PPARGC1A: variants seen among roughly 807,000 people sequenced by gnomAD.
PPARGC1A encodes the protein PPARG coactivator 1 alpha.
A neutral mutation model predicts 88.7 loss-of-function variants in PPARGC1A; 25 were observed. The ratio of observed to expected loss-of-function variants is 0.28; its 90% CI spans 0.21 to 0.39. The LOEUF (loss-of-function observed/expected upper bound fraction) is 0.39, where lower values mean the gene tolerates loss of function less well. PPARGC1A is among the 10% of genes least tolerant of loss of function. The probability of loss-of-function intolerance (pLI) is 1.00; values close to 1 mark genes in which losing one functional copy is unlikely to be tolerated. For synonymous variants in PPARGC1A, 363 were observed against 355.6 expected (o/e 1.02, Z -0.24); for missense variants, 880 against 968.7 (o/e 0.91, Z 1.22).
chr4:23,999,643 C>G, the PPARGC1A span, among the ~76,000 whole-genome samples: 2 of 152,170 alleles, frequency 1.3e-5, no homozygotes, highest in Admixed American at 1.3e-4. Context: ...TGTCACTTGT[C>G]ATTGGCAGGT....
the PPARGC1A span, among the ~76,000 whole-genome samples, chr4:24,015,887 A>G: frequency 6.6e-6 from 1 of 152,188 alleles, no homozygotes; most frequent in Non-Finnish European, 1.5e-5. Flanking sequence ...CTTGAAGAGA[A>G]CATACCTGCT....
At chr4:24,070,394 G>T in the PPARGC1A span, among the ~76,000 whole-genome samples, 1 of 152,130 alleles carries the variant, frequency 6.6e-6, no homozygotes, top group Non-Finnish European at 1.5e-5. Context: ...TCTGGCTGCT[G>T]GTTTATACGA....
At chr4:24,112,909 G>A in the PPARGC1A span, among the ~76,000 whole-genome samples, 1 of 152,180 alleles carries the variant, frequency 6.6e-6, no homozygotes, top group African/African-American at 2.4e-5. Flanking sequence ...TGGGAAGCCG[G>A]GCCAAGAGAA....
At chr4:23,906,498 A>G (rs1720050457), upstream of PPARGC1A, among the ~76,000 whole-genome samples, 1 of 150,690 alleles carries the variant, frequency 6.6e-6, no homozygotes, top group South Asian at 2.1e-4. Flanking sequence ...CTGTAATCCC[A>G]GCTACTCAGG....
chr4:23,796,243 A>G (rs900532855), intron 12 of PPARGC1A, among the ~76,000 whole-genome samples: 2 of 152,058 alleles, frequency 1.3e-5, no homozygotes, highest in Non-Finnish European at 2.9e-5. Context: ...ATGGTTCCTC[A>G]ATAACTTAGA....
At chr4:23,913,022 G>T in the PPARGC1A span, among the ~76,000 whole-genome samples, 2 of 147,850 alleles carry the variant, frequency 1.4e-5, no homozygotes, top group African/African-American at 5.0e-5. Flanking sequence ...AGCCAGGATG[G>T]TCTCAATCTC....
At chr4:23,801,514 G>T (rs1718737768) in intron 12 of PPARGC1A, among the ~76,000 whole-genome samples, 1 of 152,132 alleles carries the variant, frequency 6.6e-6, no homozygotes, top group South Asian at 2.1e-4. Context: ...CACCTGAGTA[G>T]ATAGTACAAA....
the PPARGC1A span, among the ~76,000 whole-genome samples, chr4:24,346,129 C>A: frequency 6.6e-6 from 1 of 152,146 alleles, no homozygotes; most frequent in Non-Finnish European, 1.5e-5. Flanking sequence ...TGGTATGAAA[C>A]CCACTTGATC....
Position 23,793,605 on chromosome 4 carries a change from C to T in PPARGC1A, c.*2217G>A, listed in dbSNP as rs1717027557. 1 of 152,182 alleles carries T rather than the reference C, an allele frequency of 6.6e-6. No homozygotes were observed. Among genetic ancestry groups the T allele is most frequent in the Admixed American group, 6.6e-5 (1 of 15,248 alleles). 9.4% of individuals were successfully genotyped at this position (152,182 alleles called of 1,614,324 possible). On this transcript the variant is annotated 3_prime_UTR_variant, in exon 13 of 13. Transcript: ENST00000264867. ...TTCCAGAAAAGTCATGTCAGCCAAA[C>T]AGTAATCGAATCTCAATTTAGAAAC...
the PPARGC1A span, among the ~76,000 whole-genome samples, chr4:24,228,499 CAGGGTAGA>C: frequency 6.6e-6 from 1 of 151,958 alleles, no homozygotes; most frequent in African/African-American, 2.4e-5. Flanking sequence ...TCAGGGTGGG[CAGGGTAGA>C]AGGGAGGCAA....
At chr4:24,310,839 T>G in the PPARGC1A span, among the ~76,000 whole-genome samples, 1 of 152,116 alleles carries the variant, frequency 6.6e-6, no homozygotes, top group Non-Finnish European at 1.5e-5. Flanking sequence ...TGACCTAGTA[T>G]TAAGAGAAAA....
At chr4:24,026,790 A>C in the PPARGC1A span, among the ~76,000 whole-genome samples, 1 of 152,166 alleles carries the variant, frequency 6.6e-6, no homozygotes, top group African/African-American at 2.4e-5. Flanking sequence ...GTGGGATAAG[A>C]AACACAGCCT....
At chr4:23,799,394 T>C (rs1718241171) in intron 12 of PPARGC1A, among the ~76,000 whole-genome samples, 1 of 152,236 alleles carries the variant, frequency 6.6e-6, no homozygotes, top group Non-Finnish European at 1.5e-5. Context: ...AAACATTTAT[T>C]TAATCTTCAC....
the PPARGC1A span, among the ~76,000 whole-genome samples, chr4:24,411,462 A>G: frequency 1.3e-5 from 2 of 152,188 alleles, no homozygotes; most frequent in African/African-American, 2.4e-5. Context: ...CTGCCCTACT[A>G]TCAACATCCC....
Position 23,889,450 on chromosome 4 carries a change from G to A in PPARGC1A, c.54+454C>T, listed in dbSNP as rs573729255. 26 of 875,174 alleles carry A rather than the reference G, an allele frequency of 3.0e-5. No homozygotes were observed. The South Asian group carries it at 1.3e-3, about 44-fold the overall frequency. 54.2% of individuals were successfully genotyped at this position (875,174 alleles called of 1,614,324 possible). ...CTGTCTGATGAACAGAGAGAGAGGG[G>A]GGAAAAATCCGGACTAGAGTCAAAA... is the stretch of plus-strand genomic sequence containing the variant. On this transcript the variant is annotated intron_variant, in intron 1 of 12. Transcript: ENST00000264867.
chr4:24,308,654 T>C, the PPARGC1A span, among the ~76,000 whole-genome samples: 1 of 152,056 alleles, frequency 6.6e-6, no homozygotes, highest in East Asian at 1.9e-4. Context: ...ATGGGTCAAG[T>C]GTGAGGGTGA....
the PPARGC1A span, among the ~76,000 whole-genome samples, chr4:24,469,251 G>A: frequency 2.6e-5 from 4 of 152,156 alleles, no homozygotes; most frequent in African/African-American, 7.2e-5. Flanking sequence ...TTCTTCTTAG[G>A]AACAGTTAGG....
the PPARGC1A span, among the ~76,000 whole-genome samples, chr4:24,236,407 G>A: frequency 2.0e-5 from 3 of 152,190 alleles, no homozygotes; most frequent in Non-Finnish European, 4.4e-5. Flanking sequence ...AGGACTTCCA[G>A]GGACCTGGTG....
chr4:24,402,342 T>A, the PPARGC1A span, among the ~76,000 whole-genome samples: 1 of 152,186 alleles, frequency 6.6e-6, no homozygotes, highest in African/African-American at 2.4e-5. Context: ...AGCTGCCGTG[T>A]CTTCCCCAAC....
Sources: gnomAD v4.1 joint callset for allele counts (sites outside exome capture counted in the v4.1 genomes callset) on GRCh38, gnomAD v4.1.1 for gene constraint, MANE v1.5 for transcripts, NCBI Gene and HGNC (gene_info 2026-07-23, HGNC 2026-07-21) for gene names.